AGMO: variants seen among roughly 807,000 people sequenced by gnomAD.
AGMO encodes alkylglycerol monooxygenase, also known as glyceryl-ether monooxygenase.
In AGMO, 75 loss-of-function variants were observed where a neutral mutation model predicts 60.2. That is an observed-to-expected ratio of 1.25 (90% CI 1.03 to 1.51). The LOEUF (loss-of-function observed/expected upper bound fraction) is 1.51. Among genes scored for constraint, AGMO ranks in the 40% most tolerant of loss-of-function variants. The pLI, the probability that AGMO is intolerant of heterozygous loss-of-function variation, is 0.00. For synonymous variants in AGMO, 261 were observed against 177.1 expected (o/e 1.47, Z -3.76); for missense variants, 763 against 525.5 (o/e 1.45, Z -4.42).
chr7:15,335,793 C>T (rs1394505024), intron 12 of AGMO, among the ~76,000 whole-genome samples: 1 of 152,102 alleles, frequency 6.6e-6, no homozygotes, highest in Non-Finnish European at 1.5e-5. Context: ...TACATATTAC[C>T]TTTCTTCAGT....
chr7:15,226,279 C>A (rs1782078979), intron 12 of AGMO, among the ~76,000 whole-genome samples: 1 of 152,010 alleles, frequency 6.6e-6, no homozygotes, highest in South Asian at 2.1e-4. Flanking sequence ...CAGACCAATG[C>A]AACAAGAAAA....
intron 11 of AGMO, 90 bp downstream of exon 11, chr7:15,366,050 T>C (rs1192428325): frequency 1.1e-6 from 1 of 874,100 alleles, no homozygotes; most frequent in East Asian, 2.8e-5. Context: ...AAAACTACAC[T>C]AGTTACATAA....
At chr7:15,266,664 T>C (rs900067703) in intron 12 of AGMO, among the ~76,000 whole-genome samples, 7 of 151,966 alleles carry the variant, frequency 4.6e-5, no homozygotes, top group African/African-American at 1.7e-4. Flanking sequence ...TTTTATTTAA[T>C]GTAGGGAGCT....
chr7:15,255,116 C>T (rs2128507724), intron 12 of AGMO, among the ~76,000 whole-genome samples: 1 of 152,148 alleles, frequency 6.6e-6, no homozygotes, highest in African/African-American at 2.4e-5. Flanking sequence ...GAACAGAAAA[C>T]CAAACACTGC....
the AGMO span, among the ~76,000 whole-genome samples, chr7:15,144,671 T>C: frequency 6.6e-6 from 1 of 152,236 alleles, no homozygotes; most frequent in South Asian, 2.1e-4. Flanking sequence ...GTTACATGGC[T>C]GTCTGCCCTT....
At chr7:15,358,457 G>A (rs561162597) in intron 12 of AGMO, 4 of 470,398 alleles carry the variant, frequency 8.5e-6, no homozygotes, top group Admixed American at 2.4e-5. Context: ...TAAAGGGTGA[G>A]ATACGTACTA....
At chr7:15,212,093 A>G (rs1326093693) in intron 12 of AGMO, among the ~76,000 whole-genome samples, 1 of 151,992 alleles carries the variant, frequency 6.6e-6, no homozygotes, top group Non-Finnish European at 1.5e-5. Context: ...CTGCTAGACA[A>G]TCAAAACTCT....
chr7:15,374,798 TGA>T (rs1308729435), intron 10 of AGMO, among the ~76,000 whole-genome samples: 1 of 151,962 alleles, frequency 6.6e-6, no homozygotes, highest in African/African-American at 2.4e-5. Context: ...AGCCAGGATT[TGA>T]GAGAAACCAA....
At chr7:15,165,168 G>T in the AGMO span, among the ~76,000 whole-genome samples, 1 of 152,116 alleles carries the variant, frequency 6.6e-6, no homozygotes, top group Non-Finnish European at 1.5e-5. Flanking sequence ...CTTACGGGGG[G>T]AGCTAAACAG....
At chr7:15,309,171 A>C (rs1044901375) in intron 12 of AGMO, among the ~76,000 whole-genome samples, 5 of 152,120 alleles carry the variant, frequency 3.3e-5, no homozygotes, top group African/African-American at 9.7e-5. Context: ...GCCCTGCTAA[A>C]AATCCTTTGG....
At chr7:15,121,947 A>T in the AGMO span, among the ~76,000 whole-genome samples, 2 of 152,198 alleles carry the variant, frequency 1.3e-5, no homozygotes, top group Non-Finnish European at 2.9e-5. Context: ...TAAAACCATT[A>T]AAAACCCTGG....
chr7:15,321,059 C>A (rs1212363448), intron 12 of AGMO, among the ~76,000 whole-genome samples: 2 of 152,096 alleles, frequency 1.3e-5, no homozygotes, highest in South Asian at 2.1e-4. Context: ...CTATTTCATA[C>A]AATATTTTTG....
intron 12 of AGMO, among the ~76,000 whole-genome samples, chr7:15,215,617 TC>T (rs1264938394): frequency 3.3e-5 from 5 of 152,100 alleles, no homozygotes; most frequent in African/African-American, 1.2e-4. Flanking sequence ...TGAATCTAAT[TC>T]CTGCTGATAA....
intron 12 of AGMO, among the ~76,000 whole-genome samples, chr7:15,277,110 C>T (rs1276846395): frequency 6.6e-6 from 1 of 151,864 alleles, no homozygotes. Flanking sequence ...GAGTTCTAGA[C>T]CAGCATGGCC....
intron 12 of AGMO, among the ~76,000 whole-genome samples, chr7:15,259,845 GACAA>G (rs1437075392): frequency 1.3e-4 from 14 of 110,868 alleles, no homozygotes; most frequent in East Asian, 3.1e-4. Context: ...GTCTTTTCCA[GACAA>G]ACAAACACTG....
chr7:15,370,261 T>C (rs1420043682), intron 10 of AGMO, among the ~76,000 whole-genome samples: 1 of 152,226 alleles, frequency 6.6e-6, no homozygotes, highest in Non-Finnish European at 1.5e-5. Flanking sequence ...TAGTAATCCA[T>C]GGTATATATG....
At chr7:15,530,427 T>C (rs1784274650) in intron 3 of AGMO, among the ~76,000 whole-genome samples, 1 of 132,366 alleles carries the variant, frequency 7.6e-6, no homozygotes, top group South Asian at 2.4e-4. Context: ...TCTAAATACG[T>C]ATTTCTATAT....
chr7:15,184,348 AGGGAG>A, the AGMO span, among the ~76,000 whole-genome samples: 2 of 26,714 alleles, frequency 7.5e-5, no homozygotes, highest in Non-Finnish European at 1.3e-4. Flanking sequence ...GAAGGAAAGA[AGGGAG>A]GGAGGGAAGG....
chr7:15,266,261 GT>G (rs1486920183), intron 12 of AGMO, among the ~76,000 whole-genome samples: 1 of 151,948 alleles, frequency 6.6e-6, no homozygotes, highest in Non-Finnish European at 1.5e-5. Flanking sequence ...TCCACTTTTA[GT>G]TTTGCAAGAT....
Sources: gnomAD v4.1 joint callset for allele counts (sites outside exome capture counted in the v4.1 genomes callset) on GRCh38, gnomAD v4.1.1 for gene constraint, MANE v1.5 for transcripts, NCBI Gene and HGNC (gene_info 2026-07-23, HGNC 2026-07-21) for gene names.